EDIL3: variants seen among roughly 807,000 people sequenced by gnomAD.
EDIL3 encodes EGF-like repeat and discoidin I-like domain-containing protein 3.
Under a neutral mutation model 67.4 loss-of-function variants are expected in EDIL3, and 37 were observed. The ratio of observed to expected loss-of-function variants is 0.55; its 90% CI spans 0.42 to 0.72. The LOEUF is 0.72. Among genes scored for constraint, EDIL3 ranks in the 30% least tolerant of loss-of-function variants. The probability of loss-of-function intolerance (pLI) is 0.00; values close to 1 mark genes in which losing one functional copy is unlikely to be tolerated. For synonymous variants in EDIL3, 195 were observed against 196.3 expected (o/e 0.99, Z 0.05); for missense variants, 527 against 586.3 (o/e 0.90, Z 1.04).
intron 9 of EDIL3, among the ~76,000 whole-genome samples, chr5:84,043,664 C>G (rs1006670457): frequency 6.6e-6 from 1 of 152,038 alleles, no homozygotes; most frequent in Non-Finnish European, 1.5e-5. Flanking sequence ...AGGATTAAGT[C>G]ATGTAATGTC....
chr5:84,129,684 T>C (rs1347497583), intron 5 of EDIL3, among the ~76,000 whole-genome samples: 3 of 152,108 alleles, frequency 2.0e-5, no homozygotes, highest in Non-Finnish European at 2.9e-5. Context: ...TGGAATAAAA[T>C]AGGATTAAAA....
At chr5:83,951,601 C>A (rs1051564730) in intron 10 of EDIL3, among the ~76,000 whole-genome samples, 1 of 151,614 alleles carries the variant, frequency 6.6e-6, no homozygotes, top group South Asian at 2.1e-4. Context: ...GTCCACATTT[C>A]CGGCCCTTCA....
intron 1 of EDIL3, among the ~76,000 whole-genome samples, chr5:84,293,555 C>A (rs1482271531): frequency 6.6e-6 from 1 of 151,976 alleles, no homozygotes; most frequent in Non-Finnish European, 1.5e-5. Flanking sequence ...TGTCAAGTTC[C>A]ATCCGCATGT....
chr5:84,131,649 G>A (rs1747968774), intron 5 of EDIL3, among the ~76,000 whole-genome samples: 2 of 152,226 alleles, frequency 1.3e-5, no homozygotes, highest in African/African-American at 4.8e-5. Flanking sequence ...CTAGTACAAA[G>A]AATGCTGAGA....
chr5:84,103,649 A>G (rs1747407784), intron 6 of EDIL3, among the ~76,000 whole-genome samples: 1 of 152,140 alleles, frequency 6.6e-6, no homozygotes, highest in African/African-American at 2.4e-5. Flanking sequence ...AGAGAAATGC[A>G]AATGAAACCA....
At chr5:84,030,989 T>C (rs1745910846) in intron 9 of EDIL3, among the ~76,000 whole-genome samples, 1 of 151,970 alleles carries the variant, frequency 6.6e-6, no homozygotes, top group Non-Finnish European at 1.5e-5. Context: ...GTTGCCAAGG[T>C]TGGTTTCTTT....
At chr5:84,272,256 A>T (rs990971112) in intron 1 of EDIL3, among the ~76,000 whole-genome samples, 1 of 151,980 alleles carries the variant, frequency 6.6e-6, no homozygotes, top group Admixed American at 6.5e-5. Flanking sequence ...TCTTCTAGTT[A>T]CTACCTAGGC....
intron 1 of EDIL3, among the ~76,000 whole-genome samples, chr5:84,377,712 T>C (rs1263012247): frequency 1.3e-5 from 2 of 152,204 alleles, no homozygotes; most frequent in Non-Finnish European, 2.9e-5. Context: ...GATTAAAACC[T>C]TGGTCTTCCC....
At chr5:84,117,652 GA>G (rs568992977) in intron 5 of EDIL3, among the ~76,000 whole-genome samples, 77 of 128,756 alleles carry the variant, frequency 6.0e-4, no homozygotes, top group African/African-American at 1.5e-3. Flanking sequence ...AGTAAATTTT[GA>G]AAAAAAAAAA....
chr5:84,216,679 C>T (rs1317696882), intron 3 of EDIL3, among the ~76,000 whole-genome samples: 2 of 152,074 alleles, frequency 1.3e-5, no homozygotes, highest in Non-Finnish European at 2.9e-5. Flanking sequence ...GCAAAATACT[C>T]TACATAGAGG....
At chr5:84,226,045 A>G (rs2112405163) in intron 3 of EDIL3, among the ~76,000 whole-genome samples, 1 of 151,804 alleles carries the variant, frequency 6.6e-6, no homozygotes, top group East Asian at 1.9e-4. Context: ...TTTAATTTAA[A>G]GAAATTAACA....
intron 5 of EDIL3, among the ~76,000 whole-genome samples, chr5:84,128,997 A>C (rs1244724090): frequency 6.6e-6 from 1 of 152,182 alleles, no homozygotes; most frequent in Non-Finnish European, 1.5e-5. Flanking sequence ...GAAGTATTTA[A>C]CAAGTCCCAC....
intron 1 of EDIL3, among the ~76,000 whole-genome samples, chr5:84,362,065 C>T (rs1260753688): frequency 6.6e-6 from 1 of 151,978 alleles, no homozygotes; most frequent in African/African-American, 2.4e-5. Context: ...AAGCCAACTT[C>T]CCAAAAGAGC....
rs143670593 is a variant in EDIL3, at chr5:84,361,713, A to T, written c.67+22595T>A. Among the ~76,000 whole-genome samples the T allele has an allele frequency of 4.2e-3, 634 of 151,914 alleles. 3 individuals are homozygous for T. Among genetic ancestry groups the T allele is most frequent in the African/African-American group, 0.014 (584 of 41,486 alleles). On this transcript the variant is annotated intron_variant, in intron 1 of 10. Coordinates refer to ENST00000296591, the MANE Select transcript of EDIL3 (RefSeq NM_005711.5). The stretch of plus-strand genomic sequence containing the variant: ...AAAACATTAATAAAAGTTTTCTGGG[A>T]ATTCAATTGGTCTATCAAGTATACC...
intron 1 of EDIL3, among the ~76,000 whole-genome samples, chr5:84,372,189 A>G (rs139935283): frequency 6.6e-6 from 1 of 152,268 alleles, no homozygotes; most frequent in African/African-American, 2.4e-5. Flanking sequence ...CGGATTCCAA[A>G]TGAAACAACT....
At position 84,271,462 on chromosome 5, in the gene EDIL3, T is replaced by TAAATAAATAAATAA. The variant is rs1561241436; in HGVS notation, c.68-17251_68-17250insTTATTTATTTATTT. 5.1e-5 allele frequency among the ~76,000 whole-genome samples: 7 copies of TAAATAAATAAATAA among 138,528 alleles called. 1 individual carries two copies. The highest frequency in any genetic ancestry group is 1.9e-4 in the African/African-American group (7 of 37,360). The allele number at this position is 138,528 out of a possible 152,430, so 90.9% of individuals were successfully genotyped here. The stretch of plus-strand genomic sequence containing the variant: ...AAATAAATAAATAAATAAATAAATA[T>TAAATAAATAAATAA]AAAATAAAGGAGAGACTTAGTCTAT... On this transcript the variant is annotated intron_variant, in intron 1 of 10. Coordinates refer to ENST00000296591, the MANE Select transcript of EDIL3 (RefSeq NM_005711.5).
At chr5:84,064,911 T>C in intron 7 of EDIL3, 67 bp from the exon 8 acceptor site, 1 of 1,457,752 alleles carries the variant, frequency 6.9e-7, no homozygotes, top group Non-Finnish European at 9.1e-7. Flanking sequence ...ATATTTACCC[T>C]ATCTATACCT....
intron 6 of EDIL3, among the ~76,000 whole-genome samples, chr5:84,094,359 T>A (rs938185494): frequency 2.6e-5 from 4 of 152,188 alleles, no homozygotes; most frequent in Non-Finnish European, 5.9e-5. Flanking sequence ...AAGAGGTGTA[T>A]GGTAAGAATG....
At chr5:84,357,796 G>A (rs1747518593) in intron 1 of EDIL3, among the ~76,000 whole-genome samples, 1 of 149,174 alleles carries the variant, frequency 6.7e-6, no homozygotes, top group Admixed American at 6.8e-5. Flanking sequence ...GCTGAGGCAT[G>A]AGAATCACTT....
Sources: allele counts gnomAD v4.1 joint callset (sites outside exome capture counted in the v4.1 genomes callset), GRCh38; gene constraint gnomAD v4.1.1; transcripts MANE v1.5; gene names NCBI Gene and HGNC (gene_info 2026-07-23, HGNC 2026-07-21).